Variants in KCNMB2 observed in about 807,000 individuals in gnomAD.
The protein encoded by KCNMB2 is calcium-activated potassium channel subunit beta-2.
KCNMB2 carries 9 observed loss-of-function variants against 24.5 expected under a neutral mutation model. That is an observed-to-expected ratio of 0.37 (90% confidence interval 0.22 to 0.64). KCNMB2 has a LOEUF of 0.64. Ranked by LOEUF, KCNMB2 falls within the 30% of genes least tolerant of loss-of-function variation. The probability of loss-of-function intolerance (pLI) is 0.63; values close to 1 mark genes in which losing one functional copy is unlikely to be tolerated. For missense variants in KCNMB2, 226 were observed against 284.3 expected (o/e 0.79, Z 1.47); for synonymous variants, 109 against 104.4 (o/e 1.04, Z -0.27).
intron 1 of KCNMB2, among the ~76,000 whole-genome samples, chr3:178,669,353 T>A (rs919352846): frequency 6.6e-6 from 1 of 151,958 alleles, no homozygotes; most frequent in African/African-American, 2.4e-5. Context: ...GTGAAAATAA[T>A]TAACCTTCAA....
At chr3:178,819,224 T>C (rs1179220849) in intron 2 of KCNMB2, among the ~76,000 whole-genome samples, 1 of 152,228 alleles carries the variant, frequency 6.6e-6, no homozygotes, top group Non-Finnish European at 1.5e-5. Flanking sequence ...TGAAGCCAAT[T>C]TGCCAAAGAA....
At chr3:178,710,874 C>T (rs1722430365) in intron 1 of KCNMB2, among the ~76,000 whole-genome samples, 1 of 152,046 alleles carries the variant, frequency 6.6e-6, no homozygotes, top group Non-Finnish European at 1.5e-5. Flanking sequence ...CTGTTACATC[C>T]ATTATGCATT....
intron 2 of KCNMB2, among the ~76,000 whole-genome samples, chr3:178,809,925 T>C (rs1282125770): frequency 6.6e-6 from 1 of 152,206 alleles, no homozygotes; most frequent in Non-Finnish European, 1.5e-5. Flanking sequence ...TAAATAAGTC[T>C]GCATGGCCAA....
intron 1 of KCNMB2, among the ~76,000 whole-genome samples, chr3:178,798,313 A>G (rs1022790517): frequency 2.0e-5 from 3 of 152,150 alleles, no homozygotes; most frequent in Non-Finnish European, 2.9e-5. Flanking sequence ...TGTTCCTTCA[A>G]TACCTAGTTT....
chr3:178,703,422 T>C (rs7372467), intron 1 of KCNMB2, among the ~76,000 whole-genome samples: 49,736 of 151,912 alleles, frequency 0.33, 8,864 homozygotes, highest in African/African-American at 0.47. Context: ...AGGTATTTAG[T>C]TCTCCATTTG....
intron 1 of KCNMB2, among the ~76,000 whole-genome samples, chr3:178,746,474 C>A (rs1401494590): frequency 6.6e-6 from 1 of 152,114 alleles, no homozygotes; most frequent in African/African-American, 2.4e-5. Flanking sequence ...TTAGACATGC[C>A]CTGGAGACAT....
chr3:178,636,699 G>A (rs150606966), intron 1 of KCNMB2, among the ~76,000 whole-genome samples: 137 of 152,236 alleles, frequency 9.0e-4, no homozygotes, highest in East Asian at 3.5e-3. Flanking sequence ...TCCAAGAATC[G>A]TCCTTCTCTA....
At chr3:178,749,132 T>A (rs1460252183) in intron 1 of KCNMB2, 2 of 152,226 alleles carry the variant, frequency 1.3e-5, no homozygotes, top group African/African-American at 4.8e-5. Context: ...CCTTCTTTTG[T>A]CTTCACTTAG....
chr3:178,730,578 A>G (rs1429229518), intron 1 of KCNMB2, among the ~76,000 whole-genome samples: 2 of 152,050 alleles, frequency 1.3e-5, no homozygotes, highest in African/African-American at 4.8e-5. Flanking sequence ...ATCTTCTCCT[A>G]CTTAAGACCT....
At chr3:178,642,875 A>T (rs1242279192) in intron 1 of KCNMB2, among the ~76,000 whole-genome samples, 1 of 152,222 alleles carries the variant, frequency 6.6e-6, no homozygotes, top group Non-Finnish European at 1.5e-5. Flanking sequence ...AGTGGATTTC[A>T]ATCAGAAGGT....
intron 1 of KCNMB2, among the ~76,000 whole-genome samples, chr3:178,782,801 T>A (rs1175271270): frequency 6.6e-6 from 1 of 151,342 alleles, no homozygotes; most frequent in East Asian, 1.9e-4. Flanking sequence ...TTTAATTAGA[T>A]CCCATTTGTC....
chr3:178,788,003 G>A (rs570169022), intron 1 of KCNMB2, among the ~76,000 whole-genome samples: 2 of 152,160 alleles, frequency 1.3e-5, no homozygotes, highest in Non-Finnish European at 2.9e-5. Flanking sequence ...TATGTACATA[G>A]GTCTAGAGAA....
chr3:178,799,879 T>A (rs187394498), intron 1 of KCNMB2, among the ~76,000 whole-genome samples: 44 of 152,212 alleles, frequency 2.9e-4, no homozygotes, highest in African/African-American at 1.1e-3. Context: ...TCTACACATC[T>A]ACATTAAACT....
chr3:178,686,127 G>A (rs927197798), intron 1 of KCNMB2, among the ~76,000 whole-genome samples: 3 of 152,086 alleles, frequency 2.0e-5, no homozygotes, highest in Non-Finnish European at 2.9e-5. Flanking sequence ...GTATAGATAG[G>A]ATGAGAAATA....
chr3:178,767,796 C>T (rs1228174496), intron 1 of KCNMB2, among the ~76,000 whole-genome samples: 5 of 152,176 alleles, frequency 3.3e-5, no homozygotes. Flanking sequence ...ATGTCTCATT[C>T]AAGGCCAACC....
intron 1 of KCNMB2, among the ~76,000 whole-genome samples, chr3:178,626,143 C>T (rs1030298654): frequency 6.6e-6 from 1 of 152,124 alleles, no homozygotes; most frequent in African/African-American, 2.4e-5. Context: ...AAATTTCTAT[C>T]GTTGGCATTG....
intron 1 of KCNMB2, among the ~76,000 whole-genome samples, chr3:178,673,616 C>G (rs1720978159): frequency 1.3e-5 from 2 of 152,084 alleles, no homozygotes; most frequent in South Asian, 4.2e-4. Context: ...CACTGGAGCC[C>G]ATGCCCACCC....
At chr3:178,743,762 C>T (rs576823984) in intron 1 of KCNMB2, among the ~76,000 whole-genome samples, 1 of 152,226 alleles carries the variant, frequency 6.6e-6, no homozygotes, top group East Asian at 1.9e-4. Context: ...ACTTCTATCT[C>T]TGGAGCTCAT....
intron 1 of KCNMB2, among the ~76,000 whole-genome samples, chr3:178,600,942 T>A (rs560758725): frequency 6.6e-6 from 1 of 152,064 alleles, no homozygotes; most frequent in Non-Finnish European, 1.5e-5. Flanking sequence ...TTTCTCCATA[T>A]CCTGTCCAGC....
Sources: allele counts gnomAD v4.1 joint callset (sites outside exome capture counted in the v4.1 genomes callset), GRCh38; gene constraint gnomAD v4.1.1; transcripts MANE v1.5; gene names NCBI Gene and HGNC (gene_info 2026-07-23, HGNC 2026-07-21).